PDZD2: variants seen among roughly 807,000 people sequenced by gnomAD.
PDZD2 encodes PDZ domain-containing protein 2.
In PDZD2, 90 loss-of-function variants were observed where a neutral mutation model predicts 220.7. The observed-to-expected ratio is 0.41, with a 90% CI of 0.34 to 0.49. The LOEUF is 0.49. Among genes scored for constraint, PDZD2 ranks in the 20% least tolerant of loss-of-function variants. The probability of loss-of-function intolerance (pLI) is 0.28; values close to 1 mark genes in which losing one functional copy is unlikely to be tolerated. For synonymous variants in PDZD2, 1,375 were observed against 1,450.5 expected, an observed-to-expected ratio of 0.95 and a Z score of 1.18; for missense variants, 3,174 against 3,608.5, an observed-to-expected ratio of 0.88 and a Z score of 3.08.
chr5:31,786,278 G>A (rs1196892839), intron 1 of PDZD2, among the ~76,000 whole-genome samples: 2 of 152,274 alleles, frequency 1.3e-5, no homozygotes, highest in East Asian at 3.9e-4. Flanking sequence ...GGGAGAGGGT[G>A]GAGCTCAGTC....
chr5:31,985,760 T>C (rs1452915193), intron 3 of PDZD2, among the ~76,000 whole-genome samples: 1 of 151,874 alleles, frequency 6.6e-6, no homozygotes, highest in Non-Finnish European at 1.5e-5. Context: ...AACGTAATAA[T>C]ACTATTAATA....
At chr5:31,815,881 G>A (rs1755417426) in intron 2 of PDZD2, among the ~76,000 whole-genome samples, 1 of 152,048 alleles carries the variant, frequency 6.6e-6, no homozygotes, top group Non-Finnish European at 1.5e-5. Context: ...AATTTATTCA[G>A]CCATTTCATC....
At chr5:31,723,790 G>A (rs1748945577) in intron 1 of PDZD2, among the ~76,000 whole-genome samples, 1 of 151,966 alleles carries the variant, frequency 6.6e-6, no homozygotes, top group Non-Finnish European at 1.5e-5. Context: ...GCTAATTTTT[G>A]TATTTTTAGT....
At chr5:32,062,955 A>C (rs1386003654) in intron 14 of PDZD2, among the ~76,000 whole-genome samples, 1 of 152,074 alleles carries the variant, frequency 6.6e-6, no homozygotes. Context: ...GCCAACGGAC[A>C]TAGTATGTCA....
chr5:32,092,801 T>A, intron 20 of PDZD2, 106 bp from the exon 21 acceptor site: 1 of 533,116 alleles, frequency 1.9e-6, no homozygotes. Context: ...AGAAAATACC[T>A]GTTCTCTTTT....
intron 2 of PDZD2, among the ~76,000 whole-genome samples, chr5:31,879,431 G>C (rs144453077): frequency 1.5e-4 from 22 of 151,062 alleles, no homozygotes; most frequent in African/African-American, 5.3e-4. Context: ...CTTCAGGTAT[G>C]ACCCCAGCAA....
At chr5:32,024,109 A>G (rs1053803496) in intron 6 of PDZD2, among the ~76,000 whole-genome samples, 1 of 152,358 alleles carries the variant, frequency 6.6e-6, no homozygotes, top group Admixed American at 6.5e-5. Flanking sequence ...AGTGCAAGCA[A>G]TGATGCTGGC....
intron 1 of PDZD2, among the ~76,000 whole-genome samples, chr5:31,678,566 A>G (rs915240019): frequency 1.3e-5 from 2 of 152,100 alleles, no homozygotes; most frequent in African/African-American, 4.8e-5. Context: ...CTCTAGGGTG[A>G]TTCATCACAG....
At chr5:31,896,366 G>GTA (rs1554091125) in intron 2 of PDZD2, among the ~76,000 whole-genome samples, 1 of 141,666 alleles carries the variant, frequency 7.1e-6, no homozygotes, top group Non-Finnish European at 1.6e-5. Context: ...GTGTGTGTGT[G>GTA]TATGTGTGTG....
chr5:31,860,145 T>C (rs1431637854), intron 2 of PDZD2, among the ~76,000 whole-genome samples: 7 of 152,136 alleles, frequency 4.6e-5, no homozygotes. Flanking sequence ...CTATTTGGTA[T>C]GATGACTGTC....
At chr5:31,650,761 GA>G (rs1209048721) in intron 1 of PDZD2, among the ~76,000 whole-genome samples, 1 of 152,292 alleles carries the variant, frequency 6.6e-6, no homozygotes, top group East Asian at 1.9e-4. Context: ...TCTGTAATCA[GA>G]AAAAGCTCTG....
chr5:31,925,317 A>G (rs6450876), intron 2 of PDZD2, among the ~76,000 whole-genome samples: 139,443 of 152,190 alleles, frequency 0.92, 63,936 homozygotes, highest in South Asian at 0.95. Flanking sequence ...CCACACATCT[A>G]TAGCCGTCTG....
intron 1 of PDZD2, 108 bp from the exon 2 acceptor site, chr5:31,798,780 GC>G (rs1754203963): frequency 6.1e-6 from 1 of 162,790 alleles, no homozygotes; most frequent in African/African-American, 2.4e-5. Flanking sequence ...TGTGCTTGGT[GC>G]CTGGAAAGTA....
At chr5:31,857,498 C>T (rs908454224) in intron 2 of PDZD2, among the ~76,000 whole-genome samples, 1 of 152,140 alleles carries the variant, frequency 6.6e-6, no homozygotes. Context: ...ACATAGGTTG[C>T]ATGGAGTAGG....
chr5:32,090,496 C>T lies in PDZD2; in HGVS notation c.7048C>T (p.Arg2350Trp), dbSNP rs141293080. 2.0e-4 allele frequency: 319 copies of T among 1,613,928 alleles called. No individual in the cohort carries two copies. Among genetic ancestry groups the T allele is most frequent in the Non-Finnish European group, 2.5e-4 (297 of 1,180,036 alleles). ...KSFENLANAD[R>W]PVAKSGASPF... The stretch of plus-strand genomic sequence containing the variant: ...TTTTGAGAACCTGGCCAATGCTGAC[C>T]GGCCTGTAGCCAAGTCCGGGGCTTC... The change falls in exon 20 of 25, where the codon CGG becomes TGG. Residue 2350 changes from arginine (R) to tryptophan (W), a missense_variant. By Grantham distance (101) the Arg-to-Trp change is moderately radical (BLOSUM62 -3). Transcript: ENST00000438447. The surrounding 1 kb of genome is among the most constrained non-coding windows in gnomAD (Gnocchi z 4.3).
At chr5:31,911,416 G>A (rs1380456093) in intron 2 of PDZD2, among the ~76,000 whole-genome samples, 1 of 152,228 alleles carries the variant, frequency 6.6e-6, no homozygotes, top group East Asian at 1.9e-4. Flanking sequence ...TAAAGCTTCT[G>A]TTCTGTGGAT....
At chr5:31,863,255 A>T (rs1263166645) in intron 2 of PDZD2, among the ~76,000 whole-genome samples, 5 of 152,150 alleles carry the variant, frequency 3.3e-5, no homozygotes, top group Non-Finnish European at 5.9e-5. Context: ...AGAGGCCCTA[A>T]TCATCCCAGT....
intron 2 of PDZD2, among the ~76,000 whole-genome samples, chr5:31,848,993 G>A (rs2150293440): frequency 6.6e-6 from 1 of 152,252 alleles, no homozygotes; most frequent in East Asian, 1.9e-4. Flanking sequence ...AGCTTGCAGT[G>A]AGCCGAGATC....
chr5:31,808,371 T>C (rs1754862617), intron 2 of PDZD2, among the ~76,000 whole-genome samples: 2 of 152,230 alleles, frequency 1.3e-5, no homozygotes, highest in East Asian at 1.9e-4. Flanking sequence ...AATTCAATTA[T>C]GTGGAAAACC....
Sources: gnomAD v4.1 joint callset for allele counts (sites outside exome capture counted in the v4.1 genomes callset) on GRCh38, gnomAD v4.1.1 for gene constraint, Gnocchi (gnomAD v3.1) non-coding constraint, MANE v1.5 for transcripts, NCBI Gene and HGNC (gene_info 2026-07-23, HGNC 2026-07-21) for gene names.